ABCB11: variants seen among roughly 807,000 people sequenced by gnomAD.
ABCB11 encodes bile salt export pump.
Under a neutral mutation model 148.0 loss-of-function variants are expected in ABCB11, and 95 were observed. The ratio of observed to expected loss-of-function variants is 0.64; its 90% CI spans 0.54 to 0.76. The LOEUF is 0.76. ABCB11 is among the 30% of genes least tolerant of loss of function. The probability of loss-of-function intolerance (pLI) is 0.00; values close to 1 mark genes in which losing one functional copy is unlikely to be tolerated. For missense variants in ABCB11, 1,523 were observed against 1,617.8 expected, an observed-to-expected ratio of 0.94 and a Z score of 1.01; for synonymous variants, 591 against 555.4, an observed-to-expected ratio of 1.06 and a Z score of -0.90.
chr2:168,980,108 C>A, intron 10 of ABCB11, 129 bp from the exon 11 acceptor site: 2 of 540,754 alleles, frequency 3.7e-6, no homozygotes, highest in Non-Finnish European at 3.3e-6. Context: ...CAAAAGCTAG[C>A]TCTTTGGCTG....
At position 169,006,951 on chromosome 2, in the gene ABCB11, G is replaced by A. The variant is rs180884654; in HGVS notation, c.389+6321C>T. Among the ~76,000 whole-genome samples the A allele has an allele frequency of 1.7e-3, 265 of 152,204 alleles. 1 individual carries two copies. Among genetic ancestry groups the A allele is most frequent in the Middle Eastern group, 3.4e-3 (1 of 294 alleles). On this transcript the variant is annotated intron_variant, in intron 5 of 27. Coordinates refer to ENST00000650372, the MANE Select transcript of ABCB11 (RefSeq NM_003742.4). ...TCAGAAGACTTAATATTGTTAAGAC[G>A]GCAATATTCCTTAAACTGATCTACA... is the stretch of plus-strand genomic sequence containing the variant.
chr2:169,022,951 T>TAA (rs60786878), intron 1 of ABCB11, among the ~76,000 whole-genome samples: 3 of 151,488 alleles, frequency 2.0e-5, no homozygotes, highest in African/African-American at 7.3e-5. Context: ...CCTATAAAAT[T>TAA]AAAAAAAAAT....
intron 9 of ABCB11, 68 bp from the exon 10 acceptor site, chr2:168,986,352 C>A (rs1192985276): frequency 4.5e-6 from 6 of 1,331,154 alleles, no homozygotes; most frequent in Non-Finnish European, 6.4e-6. Context: ...TAAAACAGGC[C>A]GTGATGCAGT....
intron 26 of ABCB11, among the ~76,000 whole-genome samples, chr2:168,926,019 C>T (rs1691291521): frequency 6.6e-6 from 1 of 152,138 alleles, no homozygotes; most frequent in East Asian, 1.9e-4. Flanking sequence ...ACTTAGGAGA[C>T]TTTGTGAAAA....
chr2:168,977,457 C>T (rs1693958068), intron 11 of ABCB11, among the ~76,000 whole-genome samples: 1 of 152,098 alleles, frequency 6.6e-6, no homozygotes, highest in Non-Finnish European at 1.5e-5. Context: ...CTGAATTTCA[C>T]CTCTTCTGCT....
chr2:169,016,018 C>T (rs1008868029), intron 3 of ABCB11, among the ~76,000 whole-genome samples: 1 of 152,122 alleles, frequency 6.6e-6, no homozygotes, highest in Non-Finnish European at 1.5e-5. Flanking sequence ...GCAAAATTTG[C>T]TGTGATCTTC....
chr2:168,932,806 A>C (rs934748254), intron 23 of ABCB11, among the ~76,000 whole-genome samples: 2 of 152,070 alleles, frequency 1.3e-5, no homozygotes, highest in Non-Finnish European at 2.9e-5. Context: ...TGACCACAAT[A>C]GCTTCCTTTA....
Position 168,996,628 on chromosome 2 carries a change from TA to T in ABCB11, c.477+6del. ...TGATCTATAAATTATACGGAGGAGC[TA>T]CTAACTTGAATATATCCTGTGATAA... On this transcript the variant is annotated splice_donor_region_variant and intron_variant, in intron 6 of 27. Coordinates refer to ENST00000650372, the MANE Select transcript of ABCB11 (RefSeq NM_003742.4). 1 of 1,477,412 alleles carries T rather than the reference TA, an allele frequency of 6.8e-7. No homozygotes were observed. 91.5% of individuals were successfully genotyped at this position (1,477,412 alleles called of 1,614,324 possible). A position where few individuals can be genotyped will look rare whatever the true frequency, so the allele number is the denominator to read the frequency against.
At chr2:168,967,427 T>C (rs1693366561) in intron 17 of ABCB11, among the ~76,000 whole-genome samples, 1 of 151,972 alleles carries the variant, frequency 6.6e-6, no homozygotes, top group African/African-American at 2.4e-5. Context: ...AGTATTTATC[T>C]ACATCTGAAA....
chr2:168,935,137 C>T, intron 23 of ABCB11, 47 bp downstream of exon 23: 2 of 1,607,044 alleles, frequency 1.2e-6, no homozygotes, highest in Non-Finnish European at 1.7e-6. Flanking sequence ...CAGGCTATTC[C>T]TTCCTTGTGT....
At chr2:168,968,342 TGAGATATTCTCTGAGGATTAGGACTACA>T in intron 17 of ABCB11, 57 bp downstream of exon 17, 1 of 1,276,888 alleles carries the variant, frequency 7.8e-7, no homozygotes, top group Non-Finnish European at 1.1e-6. Context: ...TTGTTGTACC[TGAGATATTCTCTGAGGATTAGGACTACA>T]GAGGACTCCT....
chr2:168,938,700 A>G (rs1559186624), intron 21 of ABCB11, among the ~76,000 whole-genome samples: 1 of 152,208 alleles, frequency 6.6e-6, no homozygotes, highest in Non-Finnish European at 1.5e-5. Context: ...ATATTTTACC[A>G]CAATTTTTTT....
intron 2 of ABCB11, among the ~76,000 whole-genome samples, chr2:169,017,503 T>C (rs1573984166): frequency 6.6e-6 from 1 of 152,214 alleles, no homozygotes. Flanking sequence ...ATTAGAATTA[T>C]GGTTCCATTA....
In ABCB11 at chr2:168,990,876, C is replaced by G. The variant is rs1253763035; in HGVS notation, c.833G>C (p.Gly278Ala). Residue 278 changes from glycine to alanine, a missense_variant, in exon 9 of 28, where the codon GGG becomes GCG. Physicochemically the swap from Gly to Ala is moderately conservative, Grantham distance 60. Transcript: ENST00000650372. ...TGAAATGACTTCATCAGCCACCACC[C>G]CTGCTTTGGCATAGGCCTTCAGCTC... ...DYELKAYAKA[G>A]VVADEVISSM... is the part of the protein sequence containing the mutation. 1 of 1,613,212 alleles carries G rather than the reference C, an allele frequency of 6.2e-7. No individual in the cohort carries two copies. The highest frequency in any genetic ancestry group is 1.3e-5 in the African/African-American group (1 of 74,992).
intron 21 of ABCB11, among the ~76,000 whole-genome samples, chr2:168,941,846 T>G (rs1692075769): frequency 6.6e-6 from 1 of 152,060 alleles, no homozygotes; most frequent in African/African-American, 2.4e-5. Context: ...GATATGTACA[T>G]TGTTTATTTT....
In ABCB11 at chr2:168,996,735, G is replaced by A; in HGVS notation, c.390-13C>T. The A allele has an allele frequency of 6.6e-7, 1 of 1,522,674 alleles. No individual in the cohort carries two copies. 94.3% of individuals were successfully genotyped at this position (1,522,674 alleles called of 1,614,324 possible). Reference sequence around the variant, plus strand: ...GATGTTCAGCAACCTTCAAAAGAGGGAAAAGAATGTTCAGACTTGCAAGTA... The same window carrying A: ...GATGTTCAGCAACCTTCAAAAGAGGAAAAAGAATGTTCAGACTTGCAAGTA... On this transcript the variant is annotated splice_polypyrimidine_tract_variant and intron_variant, in intron 5 of 27. Coordinates refer to ENST00000650372, the MANE Select transcript of ABCB11 (RefSeq NM_003742.4).
At chr2:168,967,336 A>G (rs1352468300) in intron 17 of ABCB11, among the ~76,000 whole-genome samples, 2 of 151,934 alleles carry the variant, frequency 1.3e-5, no homozygotes, top group Admixed American at 1.3e-4. Flanking sequence ...TTGTTTGAAT[A>G]AACTTGTTCT....
intron 22 of ABCB11, 149 bp from the exon 23 acceptor site, chr2:168,935,574 G>C: frequency 9.2e-7 from 1 of 1,092,776 alleles, no homozygotes. Flanking sequence ...GACGTGGCTG[G>C]AGATCAACCC....
At chr2:168,938,425 G>A (rs1010276034) in intron 21 of ABCB11, among the ~76,000 whole-genome samples, 1 of 152,108 alleles carries the variant, frequency 6.6e-6, no homozygotes, top group Non-Finnish European at 1.5e-5. Context: ...AGACATAAAA[G>A]GATAAATTCA....
Sources: gnomAD v4.1 joint callset for allele counts (sites outside exome capture counted in the v4.1 genomes callset) on GRCh38, gnomAD v4.1.1 for gene constraint, MANE v1.5 for transcripts, NCBI Gene and HGNC (gene_info 2026-07-23, HGNC 2026-07-21) for gene names.